PPEF2: variants seen among roughly 807,000 people sequenced by gnomAD.
PPEF2 encodes serine/threonine-protein phosphatase with EF-hands 2.
A neutral mutation model predicts 84.7 loss-of-function variants in PPEF2; 84 were observed. The observed-to-expected ratio is 0.99, with a 90% CI of 0.83 to 1.19. The LOEUF is 1.19. Among genes scored for constraint, PPEF2 ranks in the 50% most tolerant of loss-of-function variants. The pLI, the probability that PPEF2 is intolerant of heterozygous loss-of-function variation, is 0.00. For synonymous variants in PPEF2, 346 were observed against 345.2 expected (o/e 1.00, Z -0.03); for missense variants, 924 against 937.5 (o/e 0.99, Z 0.19).
intron 5 of PPEF2, among the ~76,000 whole-genome samples, chr4:75,888,637 T>TA (rs1724796823): frequency 6.6e-6 from 1 of 152,256 alleles, no homozygotes; most frequent in South Asian, 2.1e-4. Flanking sequence ...AAAGTATGAC[T>TA]AAGTGCAGGT....
chr4:75,864,434 C>T lies in PPEF2; in HGVS notation c.2008+6G>A. 2 of 1,587,674 alleles carry T rather than the reference C, an allele frequency of 1.3e-6. No homozygotes were observed. Among genetic ancestry groups the T allele is most frequent in the South Asian group, 1.1e-5 (1 of 90,440 alleles). On this transcript the variant is annotated splice_donor_region_variant and intron_variant, in intron 16 of 16. Coordinates refer to ENST00000286719, the MANE Select transcript of PPEF2 (RefSeq NM_006239.3). ...TCAAAAGTGATAGAATAATGAGTGCCTTTACCTGAATGATCACTGTCTATG... is the reference window on the plus strand; with the variant it reads ...TCAAAAGTGATAGAATAATGAGTGCTTTTACCTGAATGATCACTGTCTATG...
intron 4 of PPEF2, among the ~76,000 whole-genome samples, chr4:75,890,684 A>G (rs1419990697): frequency 6.6e-6 from 1 of 152,004 alleles, no homozygotes; most frequent in African/African-American, 2.4e-5. Flanking sequence ...AGAGTACAGA[A>G]ATTTAGGGAC....
rs1724623346 is a variant in PPEF2 at position 75,883,179 on chromosome 4, A to T, written c.770T>A (p.Met257Lys). Residue 257 changes from methionine (M) to lysine (K), a missense_variant, in exon 9 of 17, where the codon ATG becomes AAG. Transcript: ENST00000286719. Reference protein sequence around the residue: ...NLRYGFTKEVMNKYKVHGKEI... With the variant: ...NLRYGFTKEVKNKYKVHGKEI... The stretch of plus-strand genomic sequence containing the variant: ...AAGGCAGCGCACCTTGTATTTATTC[A>T]TCACTTCCTTGGTGAAGCCATATCT... 6.2e-7 allele frequency: 1 copy of T among 1,613,664 alleles called. No individual in the cohort carries two copies. The highest frequency in any genetic ancestry group is 2.2e-5 in the East Asian group (1 of 44,884).
At chr4:75,880,053 C>G (rs1724527076) in intron 10 of PPEF2, among the ~76,000 whole-genome samples, 1 of 152,068 alleles carries the variant, frequency 6.6e-6, no homozygotes, top group African/African-American at 2.4e-5. Flanking sequence ...TTGTCTCCAT[C>G]TCTTGACCTC....
intron 16 of PPEF2, among the ~76,000 whole-genome samples, chr4:75,861,234 A>G (rs530758791): frequency 6.6e-6 from 1 of 152,130 alleles, no homozygotes; most frequent in Non-Finnish European, 1.5e-5. Flanking sequence ...GCTGCCAAAC[A>G]TCTTATAATG....
At chr4:75,891,421 G>T (rs1463604201) in intron 4 of PPEF2, among the ~76,000 whole-genome samples, 1 of 152,088 alleles carries the variant, frequency 6.6e-6, no homozygotes, top group African/African-American at 2.4e-5. Context: ...CACCCCCAGG[G>T]TTTCTTGAAC....
intron 10 of PPEF2, 32 bp from the exon 11 acceptor site, chr4:75,876,705 G>A (rs965278248): frequency 9.3e-6 from 14 of 1,509,242 alleles, no homozygotes; most frequent in Non-Finnish European, 1.2e-5. Context: ...TACAGATGCT[G>A]GAATGAAACT....
At chr4:75,872,449 A>G (rs995697736) in intron 12 of PPEF2, among the ~76,000 whole-genome samples, 1 of 152,194 alleles carries the variant, frequency 6.6e-6, no homozygotes, top group Non-Finnish European at 1.5e-5. Flanking sequence ...AGAAAACACC[A>G]TATTTGCTTC....
Position 75,867,365 on chromosome 4 carries a change from A to C in PPEF2, c.1704T>G (p.Ala568=). ...ALRALREKLF[A]HSSDLLSEFK... ...ATTCACTGAGAAGATCTGAAGAATGAGCAAACAGCTTCTCCCTCAGAGCTC... is the reference window on the plus strand; with the variant it reads ...ATTCACTGAGAAGATCTGAAGAATGCGCAAACAGCTTCTCCCTCAGAGCTC... The change falls in exon 14 of 17, where the codon GCT becomes GCG. Residue 568 remains alanine (A), a synonymous_variant. Transcript: ENST00000286719. The C allele has an allele frequency of 1.2e-6, 2 of 1,614,084 alleles. No individual in the cohort carries two copies. The highest frequency in any genetic ancestry group is 1.7e-6 in the Non-Finnish European group (2 of 1,179,980).
Position 75,891,277 on chromosome 4 carries a change from A to G in PPEF2, c.241+371T>C, listed in dbSNP as rs1724875315. 2.0e-5 allele frequency among the ~76,000 whole-genome samples: 3 copies of G among 152,102 alleles called. No individual in the cohort carries two copies. The South Asian group carries it at 6.2e-4, about 32-fold the overall frequency. On this transcript the variant is annotated intron_variant, in intron 4 of 16. Transcript: ENST00000286719. ...TTTCAACCAATGACTCCTGGAGTTG[A>G]CACAGAAAAACTCCAGTTCCCTTTG...
rs763248181 is a variant in PPEF2 at position 75,891,911 on chromosome 4, C to T, written c.123G>A (p.Arg41=). The T allele has an allele frequency of 5.0e-6, 8 of 1,614,026 alleles. No individual in the cohort carries two copies. In the African/African-American group the frequency reaches 8.0e-5, roughly 16 times the overall value. The change falls in exon 3 of 17, where the codon CGG becomes CGA. Residue 41 remains arginine, a synonymous_variant. Transcript: ENST00000286719. The stretch of plus-strand genomic sequence containing the variant: ...ACTGGAAGATGCTCCAGGTGCAACG[C>T]CGCCTCATCTCCAGGCGGGCCACGT... ...RRYVARLEMR[R]RCTWSIFQSI... is the part of the protein sequence containing the mutation.
chr4:75,876,213 TGAGTTTCCCTG>T (rs776312722), intron 11 of PPEF2, 63 bp downstream of exon 11: 69 of 1,500,158 alleles, frequency 4.6e-5, no homozygotes, highest in Non-Finnish European at 5.9e-5. Flanking sequence ...AAACATATCC[TGAGTTTCCCTG>T]GAAGGGAGAG....
chr4:75,866,231 C>T lies in PPEF2; in HGVS notation c.1878G>A (p.Lys626=). The change falls in exon 15 of 17, where the codon AAG becomes AAA. Residue 626 remains lysine, a synonymous_variant. Transcript: ENST00000286719. ...CCTTGGCCAAGTTCTTCAGCCAAGA[C>T]TTGTACTCCAGCATGTTGTCTGCTG... The part of the protein sequence containing the change: ...NSSADNMLEY[K]SWLKNLAKEQ... 3.1e-6 allele frequency: 5 copies of T among 1,614,112 alleles called. No individual in the cohort carries two copies. The highest frequency in any genetic ancestry group is 4.2e-6 in the Non-Finnish European group (5 of 1,180,002).
At chr4:75,890,672 A>G (rs960475390) in intron 4 of PPEF2, among the ~76,000 whole-genome samples, 2 of 152,110 alleles carry the variant, frequency 1.3e-5, no homozygotes, top group Admixed American at 6.5e-5. Context: ...TGTCAGACTT[A>G]GAGAGTACAG....
At chr4:75,887,834 G>A (rs1448680410) in intron 6 of PPEF2, among the ~76,000 whole-genome samples, 1 of 152,146 alleles carries the variant, frequency 6.6e-6, no homozygotes, top group African/African-American at 2.4e-5. Flanking sequence ...TTCCAGGAGA[G>A]GAATGTGTGT....
chr4:75,871,987 A>T (rs781646011), intron 13 of PPEF2, 38 bp downstream of exon 13: 9 of 1,515,294 alleles, frequency 5.9e-6, no homozygotes, highest in Non-Finnish European at 6.2e-6. Context: ...GAACACTATA[A>T]TTTTTTTTTC....
intron 1 of PPEF2, among the ~76,000 whole-genome samples, chr4:75,901,549 G>A (rs574537016): frequency 2.0e-5 from 3 of 151,950 alleles, no homozygotes; most frequent in Admixed American, 2.0e-4. Context: ...TGAACAGAAA[G>A]GGGAAGTAGA....
At chr4:75,875,335 G>T (rs549543827) in intron 11 of PPEF2, among the ~76,000 whole-genome samples, 3 of 152,320 alleles carry the variant, frequency 2.0e-5, no homozygotes, top group African/African-American at 7.2e-5. Context: ...CAGGCTGGGT[G>T]CAGTGGCTCA....
chr4:75,860,516 C>A lies in PPEF2; in HGVS notation c.*151G>T. The A allele has an allele frequency of 1.0e-6, 1 of 988,964 alleles. No individual in the cohort carries two copies. The highest frequency in any genetic ancestry group is 1.5e-6 in the Non-Finnish European group (1 of 683,780). 61.3% of individuals were successfully genotyped at this position (988,964 alleles called of 1,614,324 possible). The stretch of plus-strand genomic sequence containing the variant: ...CATACATACACAACACCCCAACCCA[C>A]CCCTCCACACTGAAATACACAGGTG... On this transcript the variant is annotated 3_prime_UTR_variant, in exon 17 of 17. Coordinates refer to ENST00000286719, the MANE Select transcript of PPEF2 (RefSeq NM_006239.3).
Sources: allele counts gnomAD v4.1 joint callset (sites outside exome capture counted in the v4.1 genomes callset), GRCh38; gene constraint gnomAD v4.1.1; transcripts MANE v1.5; gene names NCBI Gene and HGNC (gene_info 2026-07-23, HGNC 2026-07-21).